Variants in IL17RE observed in about 807,000 individuals in gnomAD.
IL17RE encodes the protein interleukin-17 receptor E.
In IL17RE, 47 loss-of-function variants were observed where a neutral mutation model predicts 70.7. The observed-to-expected ratio is 0.67, with a 90% CI of 0.53 to 0.85. The LOEUF (loss-of-function observed/expected upper bound fraction) is 0.85. Ranked by LOEUF, IL17RE falls within the 40% of genes least tolerant of loss-of-function variation. IL17RE has a pLI of 0.00. For synonymous variants in IL17RE, 372 were observed against 381.2 expected (o/e 0.98, Z 0.28); for missense variants, 850 against 893.9 (o/e 0.95, Z 0.63).
chr3:9,910,814 TGGGG>T, intron 8 of IL17RE, 47 bp from the exon 9 acceptor site: 1 of 1,559,052 alleles, frequency 6.4e-7, no homozygotes, highest in Non-Finnish European at 8.7e-7. Flanking sequence ...GGTGGCAAGG[TGGGG>T]CTGAAGCAGG....
At position 9,911,455 on chromosome 3, in the gene IL17RE, C is replaced by T. The variant is rs2125088315; in HGVS notation, c.1085C>T (p.Ser362Phe). 5 of 1,614,142 alleles carry T rather than the reference C, an allele frequency of 3.1e-6. No homozygotes were observed. The highest frequency in any genetic ancestry group is 2.5e-6 in the Non-Finnish European group (3 of 1,180,016). Residue 362 changes from serine (S) to phenylalanine (F), a missense_variant, in exon 12 of 16, where the codon TCC becomes TTC. By Grantham distance (155) the Ser-to-Phe change is radical. Transcript: ENST00000383814. The stretch of plus-strand genomic sequence containing the variant: ...CCGCCCCAAACAGGGTCTCTCACAT[C>T]CTGGAATGTAAGCATGGATACCCAA... ...ECPHQTGSLT[S>F]WNVSMDTQAQ...
At chr3:9,908,138 C>T in intron 6 of IL17RE, 101 bp from the exon 7 acceptor site, 1 of 901,192 alleles carries the variant, frequency 1.1e-6, no homozygotes, top group Non-Finnish European at 1.8e-6. Flanking sequence ...AGAGGAAAAA[C>T]AGGGTGTGTT....
At chr3:9,908,431 A>G (rs1204503009) in intron 7 of IL17RE, 124 bp downstream of exon 7, 8 of 792,478 alleles carry the variant, frequency 1.0e-5, no homozygotes, top group Admixed American at 2.2e-5. Context: ...TGGCATGCTT[A>G]GGAAGACCAG....
At position 9,907,002 on chromosome 3, in the gene IL17RE, A is replaced by G; in HGVS notation, c.568A>G (p.Ile190Val). Reference sequence around the variant, plus strand: ...TGATTTGCTGCCTGAGGCCCGGGCTATTCGGGTGACCATATCTTCAGGCCC... The same window carrying G: ...TGATTTGCTGCCTGAGGCCCGGGCTGTTCGGGTGACCATATCTTCAGGCCC... ...SFDLLPEARAIRVTISSGPEV... is the reference protein window; with the variant it reads ...SFDLLPEARAVRVTISSGPEV... Residue 190 changes from isoleucine to valine, a missense_variant, in exon 6 of 16, where the codon ATT becomes GTT. By Grantham distance (29) the Ile-to-Val change is conservative. Coordinates refer to ENST00000383814, the MANE Select transcript of IL17RE (RefSeq NM_153480.2). The G allele has an allele frequency of 6.2e-7, 1 of 1,614,090 alleles. No homozygotes were observed. Among genetic ancestry groups the G allele is most frequent in the Non-Finnish European group, 8.5e-7 (1 of 1,180,000 alleles).
chr3:9,914,868 C>A, intron 15 of IL17RE, 91 bp downstream of exon 15: 1 of 1,073,204 alleles, frequency 9.3e-7, no homozygotes, highest in Non-Finnish European at 1.4e-6. Context: ...GCTCTCAGCA[C>A]TGCACCCAAT....
In IL17RE at chr3:9,910,881, G is replaced by T; in HGVS notation, c.819G>T (p.Trp273Cys). 6.2e-7 allele frequency: 1 copy of T among 1,613,962 alleles called. No homozygotes were observed. Among genetic ancestry groups the T allele is most frequent in the Admixed American group, 1.7e-5 (1 of 60,004 alleles). ...CCTGCCCAGATGGCTCGGACTTCTG[G>T]AAGTCAGTGCACTTCACTGACTACA... ...SWPEAYGSDF[W>C]KSVHFTDYSQ... The change falls in exon 9 of 16, where the codon TGG (tryptophan) becomes TGT (cysteine). Residue 273 changes from tryptophan to cysteine, a missense_variant. Trp to Cys is a radical substitution (Grantham distance 215, BLOSUM62 -2). Transcript: ENST00000383814.
upstream of IL17RE, chr3:9,902,779 G>C: frequency 6.5e-7 from 1 of 1,543,420 alleles, no homozygotes; most frequent in Non-Finnish European, 8.7e-7. Flanking sequence ...CTGGCTGGTT[G>C]GGATCAAGGA....
chr3:9,903,357 G>T, intron 1 of IL17RE, 40 bp from the exon 2 acceptor site: 2 of 1,612,110 alleles, frequency 1.2e-6, no homozygotes, highest in Non-Finnish European at 1.7e-6. Flanking sequence ...CCTAATAATA[G>T]CTCTTTCCTT....
rs1326298492 is a variant in IL17RE at position 9,915,011 on chromosome 3, C to T, written c.1447+234C>T. ...AAGGCTAGTGGGGCAGAAATCCAGC[C>T]TGCGCTGTACTCGCCCAGCCTGGAG... On this transcript the variant is annotated intron_variant, in intron 15 of 15. Coordinates refer to ENST00000383814, the MANE Select transcript of IL17RE (RefSeq NM_153480.2). The surrounding 1 kb of genome is among the most constrained non-coding windows in gnomAD (Gnocchi z 4.9). 6.6e-6 allele frequency among the ~76,000 whole-genome samples: 1 copy of T among 152,214 alleles called. No individual in the cohort carries two copies. Among genetic ancestry groups the T allele is most frequent in the Non-Finnish European group, 1.5e-5 (1 of 68,030 alleles).
rs760475260 is a variant in IL17RE, at chr3:9,913,936, T to G, written c.1228-20T>G. 5.6e-6 allele frequency: 9 copies of G among 1,609,472 alleles called. No homozygotes were observed. The highest frequency in any genetic ancestry group is 7.7e-6 in the Non-Finnish European group (9 of 1,175,784). Reference sequence around the variant, plus strand: ...GATTCACCTCCCTGGGGACAGCCTTTCTGCTCTTTGTTTCTACAGGCCCGG... The same window carrying G: ...GATTCACCTCCCTGGGGACAGCCTTGCTGCTCTTTGTTTCTACAGGCCCGG... On this transcript the variant is annotated intron_variant, in intron 12 of 15. Transcript: ENST00000383814.
Position 9,903,448 on chromosome 3 carries a change from C to T in IL17RE, c.148+36C>T, listed in dbSNP as rs559080867. ...TTTCCTGCCCCATTGCTCCTCCCCA[C>T]GCCCACTATTTTTGCAGATGCCTAG... On this transcript the variant is annotated intron_variant, in intron 2 of 15. Transcript: ENST00000383814. 713 of 1,612,562 alleles carry T rather than the reference C, an allele frequency of 4.4e-4. 8 individuals are homozygous for T. In the South Asian group the frequency reaches 7.3e-3, roughly 16 times the overall value.
intron 8 of IL17RE, chr3:9,910,186 T>C (rs2082857592): frequency 6.6e-6 from 1 of 151,796 alleles, no homozygotes; most frequent in African/African-American, 2.4e-5. Flanking sequence ...GCCAACATGG[T>C]GAAACCCTGT....
At chr3:9,906,306 C>A in intron 3 of IL17RE, 58 bp from the exon 4 acceptor site, 1 of 934,890 alleles carries the variant, frequency 1.1e-6, no homozygotes, top group Non-Finnish European at 1.7e-6. Flanking sequence ...TGGGCCACAT[C>A]TCCAGGCAGG....
At chr3:9,911,359 G>A in intron 11 of IL17RE, 59 bp downstream of exon 11, 2 of 1,613,090 alleles carry the variant, frequency 1.2e-6, no homozygotes, top group South Asian at 1.1e-5. Flanking sequence ...TCACCCAACT[G>A]TAACCAAGCT....
chr3:9,909,153 T>C (rs1339101222), intron 7 of IL17RE, 64 bp from the exon 8 acceptor site: 1 of 1,365,790 alleles, frequency 7.3e-7, no homozygotes, highest in Non-Finnish European at 1.0e-6. Context: ...GAATGAGTTT[T>C]AGGTCTGAGT....
intron 12 of IL17RE, chr3:9,911,888 G>T: frequency 3.8e-6 from 1 of 261,602 alleles, no homozygotes; most frequent in South Asian, 6.8e-5. Flanking sequence ...TGCAAGCTAA[G>T]GGAGTATTTT....
Position 9,914,695 on chromosome 3 carries a change from G to A in IL17RE, c.1365G>A (p.Leu455=). ...LLCPDVSYRH[L]GLLILALLAL... is the part of the protein sequence containing the mutation. ...TTGACTCAGTCTCTTACAGACACCT[G>A]GGGCTCTTGATCCTGGCACTGCTGG... The change falls in exon 15 of 16, where the codon CTG becomes CTA. Residue 455 remains leucine (L), a synonymous_variant. Coordinates refer to ENST00000383814, the MANE Select transcript of IL17RE (RefSeq NM_153480.2). 3 of 1,614,120 alleles carry A rather than the reference G, an allele frequency of 1.9e-6. No homozygotes were observed. The highest frequency in any genetic ancestry group is 2.5e-6 in the Non-Finnish European group (3 of 1,180,004).
At position 9,916,151 on chromosome 3, in the gene IL17RE, C is replaced by T; in HGVS notation, c.*344C>T. 4.5e-6 allele frequency: 1 copy of T among 224,622 alleles called. No individual in the cohort carries two copies. Among genetic ancestry groups the T allele is most frequent in the Non-Finnish European group, 8.6e-6 (1 of 115,934 alleles). 13.9% of individuals were successfully genotyped at this position (224,622 alleles called of 1,614,324 possible). ...CGGGGTAGGGAGGCAGGAGCCATGTCAGTTCTGAAGGAGGGTGAGGCGGTG... is the reference window on the plus strand; with the variant it reads ...CGGGGTAGGGAGGCAGGAGCCATGTTAGTTCTGAAGGAGGGTGAGGCGGTG... On this transcript the variant is annotated 3_prime_UTR_variant, in exon 16 of 16. Transcript: ENST00000383814.
At chr3:9,909,320 TC>T (rs1196162300) in intron 8 of IL17RE, 37 bp downstream of exon 8, 1 of 1,544,612 alleles carries the variant, frequency 6.5e-7, no homozygotes, top group East Asian at 2.2e-5. Flanking sequence ...TGCACACACA[TC>T]CCCTTTCTCT....
Sources: gnomAD v4.1 joint callset for allele counts (sites outside exome capture counted in the v4.1 genomes callset) on GRCh38, gnomAD v4.1.1 for gene constraint, Gnocchi (gnomAD v3.1) non-coding constraint, MANE v1.5 for transcripts, NCBI Gene and HGNC (gene_info 2026-07-23, HGNC 2026-07-21) for gene names.